Variants in RBFOX1 observed in about 807,000 individuals in gnomAD.
The protein encoded by RBFOX1 is RNA binding protein fox-1 homolog 1.
RBFOX1 carries 8 observed loss-of-function variants against 57.7 expected under a neutral mutation model. The ratio of observed to expected loss-of-function variants is 0.14; its 90% CI spans 0.08 to 0.25. RBFOX1 has a LOEUF of 0.25. Among genes scored for constraint, RBFOX1 ranks in the 10% least tolerant of loss-of-function variants. The probability of loss-of-function intolerance (pLI) is 1.00; values close to 1 mark genes in which losing one functional copy is unlikely to be tolerated. For synonymous variants in RBFOX1, 326 were observed against 222.4 expected (o/e 1.47, Z -4.15); for missense variants, 611 against 548.5 (o/e 1.11, Z -1.14).
intron 4 of RBFOX1, among the ~76,000 whole-genome samples, chr16:7,223,476 A>T (rs1178218438): frequency 6.6e-6 from 1 of 152,208 alleles, no homozygotes; most frequent in East Asian, 1.9e-4. Context: ...AATGCGAATG[A>T]TAGAATATTA....
intron 2 of RBFOX1, among the ~76,000 whole-genome samples, chr16:5,487,794 G>C (rs2042680138): frequency 6.6e-6 from 1 of 152,032 alleles, no homozygotes; most frequent in African/African-American, 2.4e-5. Flanking sequence ...CCCTGAAATG[G>C]AATAATGATG....
intron 3 of RBFOX1, among the ~76,000 whole-genome samples, chr16:6,944,961 A>C (rs940622049): frequency 1.3e-5 from 2 of 152,160 alleles, no homozygotes; most frequent in African/African-American, 4.8e-5. Context: ...TGACTGCTGT[A>C]TGGAGTACTC....
At chr16:5,639,646 T>C (rs2048797125) in intron 3 of RBFOX1, among the ~76,000 whole-genome samples, 1 of 152,210 alleles carries the variant, frequency 6.6e-6, no homozygotes, top group Non-Finnish European at 1.5e-5. Context: ...ACTGTAGTGC[T>C]GCTGTCTCTC....
chr16:6,609,690 T>G (rs2098011419), intron 2 of RBFOX1, among the ~76,000 whole-genome samples: 1 of 152,172 alleles, frequency 6.6e-6, no homozygotes, highest in South Asian at 2.1e-4. Flanking sequence ...GTTCAGTGTT[T>G]CCTTCATAGA....
chr16:6,645,945 T>G (rs2098530762), intron 2 of RBFOX1, among the ~76,000 whole-genome samples: 1 of 152,092 alleles, frequency 6.6e-6, no homozygotes. Flanking sequence ...ACCCTAGCAG[T>G]GTGATTCTGC....
intron 1 of RBFOX1, among the ~76,000 whole-genome samples, chr16:6,120,520 T>A (rs1369546611): frequency 6.6e-6 from 1 of 152,200 alleles, no homozygotes; most frequent in Non-Finnish European, 1.5e-5. Flanking sequence ...GTGGGTCGTA[T>A]AATTTGTCTC....
At chr16:6,637,547 G>C (rs74944381) in intron 2 of RBFOX1, among the ~76,000 whole-genome samples, 1 of 8,058 alleles carries the variant, frequency 1.2e-4, no homozygotes, top group Admixed American at 2.8e-3. Flanking sequence ...TATACAATCT[G>C]CATAGTATAT....
chr16:7,189,385 C>T (rs2084759029), intron 4 of RBFOX1, among the ~76,000 whole-genome samples: 1 of 137,746 alleles, frequency 7.3e-6, no homozygotes, highest in South Asian at 2.4e-4. Context: ...GAGATCGCGC[C>T]ACTGCACTCC....
At chr16:5,436,440 T>G (rs1567508579) in intron 1 of RBFOX1, among the ~76,000 whole-genome samples, 1 of 152,200 alleles carries the variant, frequency 6.6e-6, no homozygotes, top group Non-Finnish European at 1.5e-5. Context: ...CTAAGCTCTT[T>G]GCATTCAGGC....
chr16:6,176,011 C>T (rs886737240), intron 1 of RBFOX1, among the ~76,000 whole-genome samples: 2 of 152,046 alleles, frequency 1.3e-5, no homozygotes, highest in African/African-American at 4.8e-5. Flanking sequence ...ATTTCTTTTT[C>T]CCACAAGCTT....
chr16:6,057,836 T>G (rs942351766), intron 1 of RBFOX1, among the ~76,000 whole-genome samples: 13 of 148,566 alleles, frequency 8.8e-5, no homozygotes, highest in African/African-American at 3.2e-4. Flanking sequence ...TTTTTTTTTT[T>G]TTTTTTTTTT....
At chr16:5,323,100 C>G (rs2064459312) in intron 1 of RBFOX1, among the ~76,000 whole-genome samples, 1 of 152,184 alleles carries the variant, frequency 6.6e-6, no homozygotes, top group African/African-American at 2.4e-5. Context: ...GAACATCTCC[C>G]TGATAAGGAT....
chr16:6,191,525 G>A (rs796924817), intron 1 of RBFOX1, among the ~76,000 whole-genome samples: 21 of 152,216 alleles, frequency 1.4e-4, no homozygotes, highest in African/African-American at 4.8e-4. Context: ...TATCTCAAAT[G>A]TTATGAGTAT....
At chr16:5,652,575 C>A (rs887694890) in intron 3 of RBFOX1, among the ~76,000 whole-genome samples, 2 of 152,214 alleles carry the variant, frequency 1.3e-5, no homozygotes, top group Non-Finnish European at 2.9e-5. Context: ...ACCATCCAGA[C>A]CTCCACTCCA....
At chr16:5,646,204 T>A in intron 3 of RBFOX1, among the ~76,000 whole-genome samples, 1 of 148,134 alleles carries the variant, frequency 6.8e-6, no homozygotes, top group African/African-American at 2.5e-5. Flanking sequence ...TTTTTGTATT[T>A]TTAGTGGAGA....
intron 4 of RBFOX1, among the ~76,000 whole-genome samples, chr16:7,333,728 G>A (rs996087973): frequency 2.0e-5 from 3 of 151,896 alleles, no homozygotes; most frequent in African/African-American, 7.3e-5. Flanking sequence ...TTTTAATTCT[G>A]TGCAGAGAGG....
intron 1 of RBFOX1, among the ~76,000 whole-genome samples, chr16:6,069,909 C>T (rs1209941019): frequency 1.3e-5 from 2 of 152,046 alleles, no homozygotes; most frequent in Non-Finnish European, 2.9e-5. Flanking sequence ...ATCACTTGAA[C>T]CCAGGAGGCA....
At chr16:5,527,965 C>T (rs528299156) in intron 2 of RBFOX1, among the ~76,000 whole-genome samples, 2 of 152,258 alleles carry the variant, frequency 1.3e-5, no homozygotes, top group East Asian at 3.9e-4. Flanking sequence ...GTGTGAATTG[C>T]CTGTCAGGAT....
At chr16:7,527,664 G>A (rs1243499207) in intron 5 of RBFOX1, among the ~76,000 whole-genome samples, 3 of 152,112 alleles carry the variant, frequency 2.0e-5, no homozygotes, top group African/African-American at 7.2e-5. Flanking sequence ...ACTTCTCTGA[G>A]CCTGTTCTTT....
Sources: gnomAD v4.1 joint callset for allele counts (sites outside exome capture counted in the v4.1 genomes callset) on GRCh38, gnomAD v4.1.1 for gene constraint, MANE v1.5 for transcripts, NCBI Gene and HGNC (gene_info 2026-07-23, HGNC 2026-07-21) for gene names.